NEDD9: variants seen among roughly 807,000 people sequenced by gnomAD.
NEDD9 encodes enhancer of filamentation 1.
In NEDD9, 26 loss-of-function variants were observed where a neutral mutation model predicts 76.6. The ratio of observed to expected loss-of-function variants is 0.34; its 90% CI spans 0.25 to 0.47. The LOEUF (loss-of-function observed/expected upper bound fraction) is 0.47. Ranked by LOEUF, NEDD9 falls within the 20% of genes least tolerant of loss-of-function variation. The pLI is 1.00. For missense variants in NEDD9, 937 were observed against 1,058.5 expected, an observed-to-expected ratio of 0.89 and a Z score of 1.59; for synonymous variants, 392 against 414.2, an observed-to-expected ratio of 0.95 and a Z score of 0.65.
intron 3 of NEDD9, among the ~76,000 whole-genome samples, chr6:11,295,066 C>T (rs554991184): frequency 3.9e-5 from 6 of 152,318 alleles, no homozygotes; most frequent in Admixed American, 1.3e-4. Context: ...ACTGTGAGGC[C>T]TCCCCGGCCA....
intron 3 of NEDD9, among the ~76,000 whole-genome samples, chr6:11,300,006 T>C (rs1021771930): frequency 1.2e-4 from 19 of 152,150 alleles, no homozygotes; most frequent in African/African-American, 4.6e-4. Flanking sequence ...GGACAGAGAA[T>C]GAGTTTGATG....
chr6:11,192,279 CTGCA>C, intron 4 of NEDD9, 62 bp downstream of exon 4: 3 of 364,632 alleles, frequency 8.2e-6, no homozygotes, highest in Non-Finnish European at 1.4e-5. Flanking sequence ...CCTCCCAACC[CTGCA>C]CCCCCCGACA....
At chr6:11,286,396 G>T (rs1760650463) in intron 3 of NEDD9, among the ~76,000 whole-genome samples, 1 of 152,202 alleles carries the variant, frequency 6.6e-6, no homozygotes, top group African/African-American at 2.4e-5. Flanking sequence ...CACTGGTGAT[G>T]GGAACATAGT....
chr6:11,337,728 G>A (rs140662289), intron 1 of NEDD9, among the ~76,000 whole-genome samples: 57 of 152,324 alleles, frequency 3.7e-4, no homozygotes, highest in African/African-American at 1.2e-3. Context: ...AAACATTGCT[G>A]TGTGCACATG....
At chr6:11,285,691 T>G (rs1367206339) in intron 3 of NEDD9, among the ~76,000 whole-genome samples, 1 of 152,132 alleles carries the variant, frequency 6.6e-6, no homozygotes, top group African/African-American at 2.4e-5. Context: ...ATAAGTGGAA[T>G]AGAAAGAGGC....
chr6:11,376,688 T>G (rs1000095568), intron 1 of NEDD9, among the ~76,000 whole-genome samples: 2 of 152,114 alleles, frequency 1.3e-5, no homozygotes. Flanking sequence ...GTGTAAAAGT[T>G]TGTAAAATTT....
At chr6:11,202,336 C>A (rs1013997160) in intron 2 of NEDD9, among the ~76,000 whole-genome samples, 2 of 152,154 alleles carry the variant, frequency 1.3e-5, no homozygotes, top group African/African-American at 2.4e-5. Flanking sequence ...GCTTCTTTCA[C>A]TTAAATGCCC....
intron 1 of NEDD9, among the ~76,000 whole-genome samples, chr6:11,373,547 T>G (rs765063828): frequency 6.6e-6 from 1 of 152,222 alleles, no homozygotes; most frequent in Non-Finnish European, 1.5e-5. Context: ...ATATGTAAGC[T>G]TCTTGAAAAT....
At chr6:11,305,020 G>T (rs1478393847) in intron 3 of NEDD9, 3 of 1,179,164 alleles carry the variant, frequency 2.5e-6, no homozygotes, top group Non-Finnish European at 3.3e-6. Flanking sequence ...AAATCCTTTT[G>T]TTACTTATCA....
chr6:11,319,868 A>C (rs1761745551), intron 2 of NEDD9, among the ~76,000 whole-genome samples: 1 of 152,226 alleles, frequency 6.6e-6, no homozygotes, highest in South Asian at 2.1e-4. Flanking sequence ...ACACTCATAC[A>C]CACTAACATG....
chr6:11,229,361 C>A (rs1048595204), intron 1 of NEDD9, among the ~76,000 whole-genome samples: 1 of 152,188 alleles, frequency 6.6e-6, no homozygotes, highest in Admixed American at 6.5e-5. Flanking sequence ...GCCAAGGGGC[C>A]GCTGAGCCCC....
intron 1 of NEDD9, among the ~76,000 whole-genome samples, chr6:11,358,172 C>A (rs1370405640): frequency 6.9e-6 from 1 of 145,408 alleles, no homozygotes; most frequent in Non-Finnish European, 1.5e-5. Flanking sequence ...TCGCTTGAAT[C>A]CGGAAGGCGG....
intron 3 of NEDD9, among the ~76,000 whole-genome samples, chr6:11,289,788 G>A (rs1481859558): frequency 6.6e-6 from 1 of 151,700 alleles, no homozygotes; most frequent in Non-Finnish European, 1.5e-5. Flanking sequence ...CTCCCTAGCT[G>A]TTATAGGTCA....
rs1220361335 is a variant in NEDD9, at chr6:11,183,408, A to G, written c.*1754T>C. The G allele has an allele frequency of 6.6e-6, 1 of 152,232 alleles. No homozygotes were observed. Among genetic ancestry groups the G allele is most frequent in the Non-Finnish European group, 1.5e-5 (1 of 68,036 alleles). 9.4% of individuals were successfully genotyped at this position (152,232 alleles called of 1,614,324 possible). On this transcript the variant is annotated 3_prime_UTR_variant, in exon 7 of 7. Transcript: ENST00000379446. ...GGTTTTAAAAATGTGAAATGTCTCC[A>G]CTTAGCGTAGATCAATCAAGTCAGC...
In NEDD9 at chr6:11,370,863, G is replaced by A. The variant is rs1405545716; in HGVS notation, c.-214+11276C>T. Among the ~76,000 whole-genome samples, 2 of 152,204 alleles carry A rather than the reference G, an allele frequency of 1.3e-5. No homozygotes were observed. Among genetic ancestry groups the A allele is most frequent in the African/African-American group, 4.8e-5 (2 of 41,454 alleles). ...AGTCTGCACGGCGTCGGGTGGTGTT[G>A]AGGACAGGTGACAACGGGGAGGGTG... On this transcript the variant is annotated intron_variant, in intron 1 of 3. Transcript: ENST00000397378. This position sits in a 1 kb window ranked among gnomAD's most constrained non-coding sequence, Gnocchi z 4.2.
At chr6:11,196,295 C>T (rs1398218230) in intron 2 of NEDD9, among the ~76,000 whole-genome samples, 1 of 152,100 alleles carries the variant, frequency 6.6e-6, no homozygotes, top group Non-Finnish European at 1.5e-5. Flanking sequence ...CAGAGAGAGA[C>T]TCTGTCTCAA....
chr6:11,366,011 C>T (rs9394071), intron 1 of NEDD9, among the ~76,000 whole-genome samples: 56,047 of 151,222 alleles, frequency 0.37, 10,842 homozygotes, highest in Admixed American at 0.41. Flanking sequence ...AGAGGCTGGG[C>T]GTGGTGGCTC....
At chr6:11,304,944 T>A in intron 3 of NEDD9, 2 of 561,052 alleles carry the variant, frequency 3.6e-6, no homozygotes, top group East Asian at 1.4e-4. Context: ...ACCCTAGAAC[T>A]TAAAATATAA....
chr6:11,230,659 CA>C (rs780898460), intron 1 of NEDD9, among the ~76,000 whole-genome samples: 2 of 152,058 alleles, frequency 1.3e-5, no homozygotes, highest in Non-Finnish European at 2.9e-5. Context: ...CATCATAGGG[CA>C]TAAGTCATGT....
Sources: gnomAD v4.1 joint callset for allele counts (sites outside exome capture counted in the v4.1 genomes callset) on GRCh38, gnomAD v4.1.1 for gene constraint, Gnocchi (gnomAD v3.1) non-coding constraint, MANE v1.5 for transcripts, NCBI Gene and HGNC (gene_info 2026-07-23, HGNC 2026-07-21) for gene names.